Variants in CHD6 observed in about 807,000 individuals in gnomAD.
CHD6 encodes ATP-dependent chromatin remodeler CHD6.
CHD6 carries 50 observed loss-of-function variants against 276.9 expected under a neutral mutation model. The ratio of observed to expected loss-of-function variants is 0.18; its 90% CI spans 0.14 to 0.23. The LOEUF (loss-of-function observed/expected upper bound fraction) is 0.23. Among genes scored for constraint, CHD6 ranks in the 10% least tolerant of loss-of-function variants. The pLI, the probability that CHD6 is intolerant of heterozygous loss-of-function variation, is 1.00. For synonymous variants in CHD6, 1,173 were observed against 1,229.3 expected (o/e 0.95, Z 0.96); for missense variants, 2,564 against 3,365.8 (o/e 0.76, Z 5.89).
At chr20:41,493,739 C>T (rs551355299) in intron 9 of CHD6, 67 bp from the exon 10 acceptor site, 7 of 1,594,034 alleles carry the variant, frequency 4.4e-6, no homozygotes, top group South Asian at 3.4e-5. Context: ...TATCTGCCAA[C>T]CTCTGAAAAA....
chr20:41,562,991 C>T (rs1019642480), intron 1 of CHD6, among the ~76,000 whole-genome samples: 1 of 152,206 alleles, frequency 6.6e-6, no homozygotes, highest in East Asian at 1.9e-4. Flanking sequence ...TGAGGAAGCT[C>T]TGTGCTTGGC....
At chr20:41,515,821 T>A (rs1447239059) in intron 3 of CHD6, among the ~76,000 whole-genome samples, 1 of 152,236 alleles carries the variant, frequency 6.6e-6, no homozygotes, top group Non-Finnish European at 1.5e-5. Flanking sequence ...AGTATGTGCT[T>A]GACTATGTTT....
intron 25 of CHD6, among the ~76,000 whole-genome samples, chr20:41,441,092 A>G (rs1312442553): frequency 6.6e-6 from 1 of 152,218 alleles, no homozygotes; most frequent in African/African-American, 2.4e-5. Context: ...TGCTGCCCAC[A>G]TGAGGTACCT....
In CHD6 at chr20:41,445,767, C is replaced by T; in HGVS notation, c.3775G>A (p.Glu1259Lys). 6.2e-7 allele frequency: 1 copy of T among 1,605,726 alleles called. No individual in the cohort carries two copies. The highest frequency in any genetic ancestry group is 8.5e-7 in the Non-Finnish European group (1 of 1,172,446). The stretch of plus-strand genomic sequence containing the variant: ...ATGTCAGGCAGAGGTACATCCAGCT[C>T]CCTAGGGAAGGAAGGGTGTAGACTC... ...EKAFEGSPAR[E>K]LDVPLPDIDY... The change falls in exon 25 of 37, where the codon GAG (glutamate) becomes AAG (lysine). Residue 1259 changes from glutamate to lysine, a missense_variant and splice_region_variant. By Grantham distance (56) the Glu-to-Lys change is moderately conservative. Transcript: ENST00000373233.
intron 1 of CHD6, among the ~76,000 whole-genome samples, chr20:41,602,374 T>C (rs1449309980): frequency 6.6e-6 from 1 of 152,196 alleles, no homozygotes. Flanking sequence ...CACCTTCCTA[T>C]GAGGCAAGCC....
intron 1 of CHD6, among the ~76,000 whole-genome samples, chr20:41,607,940 G>A (rs1035761578): frequency 1.3e-5 from 2 of 152,152 alleles, no homozygotes; most frequent in Non-Finnish European, 2.9e-5. Context: ...ACACAGCCAT[G>A]CCCAATTTCA....
At chr20:41,447,096 A>G (rs976282516) in intron 24 of CHD6, among the ~76,000 whole-genome samples, 1 of 152,220 alleles carries the variant, frequency 6.6e-6, no homozygotes, top group Non-Finnish European at 1.5e-5. Flanking sequence ...GGCTCTGATT[A>G]CAAGTTGCCC....
At chr20:41,441,466 AGAGAGGGGTAATTTAAAT>A (rs1569081386) in intron 25 of CHD6, among the ~76,000 whole-genome samples, 1 of 152,098 alleles carries the variant, frequency 6.6e-6, no homozygotes, top group Non-Finnish European at 1.5e-5. Context: ...CTTCTCATGA[AGAGAGGGGTAATTTAAAT>A]GACAGGTGAG....
chr20:41,573,946 C>T (rs2146213525), intron 1 of CHD6, among the ~76,000 whole-genome samples: 1 of 152,196 alleles, frequency 6.6e-6, no homozygotes, highest in East Asian at 1.9e-4. Flanking sequence ...CCTTTAGAGA[C>T]CACAGGGAAA....
intron 5 of CHD6, 39 bp downstream of exon 5, chr20:41,512,807 T>C (rs893059957): frequency 3.1e-6 from 5 of 1,610,148 alleles, no homozygotes; most frequent in South Asian, 1.1e-5. Flanking sequence ...TCAAAATGAC[T>C]GTCCAGCCAA....
At chr20:41,497,548 T>C (rs769841918) in intron 7 of CHD6, 47 bp from the exon 8 acceptor site, 12 of 1,303,480 alleles carry the variant, frequency 9.2e-6, no homozygotes, top group African/African-American at 4.3e-5. Context: ...AACTAGCAAA[T>C]GATCGAGCTT....
chr20:41,601,490 C>T (rs970768628), intron 1 of CHD6, among the ~76,000 whole-genome samples: 2 of 152,170 alleles, frequency 1.3e-5, no homozygotes, highest in South Asian at 4.1e-4. Flanking sequence ...GGTCACCAGC[C>T]TCTAAGAGTG....
chr20:41,495,245 T>C (rs1030958989), intron 8 of CHD6, among the ~76,000 whole-genome samples: 1 of 152,206 alleles, frequency 6.6e-6, no homozygotes, highest in African/African-American at 2.4e-5. Flanking sequence ...AAGTGGGGTG[T>C]ATATACCTAG....
intron 1 of CHD6, among the ~76,000 whole-genome samples, chr20:41,587,806 A>G (rs2045611536): frequency 6.7e-6 from 1 of 149,744 alleles, no homozygotes; most frequent in African/African-American, 2.5e-5. Context: ...GCAACTGATG[A>G]CATTTCTGTA....
intron 5 of CHD6, among the ~76,000 whole-genome samples, chr20:41,510,903 T>C (rs2044101481): frequency 6.6e-6 from 1 of 152,210 alleles, no homozygotes; most frequent in Non-Finnish European, 1.5e-5. Flanking sequence ...GCTTGAAAAG[T>C]ATTATAGTGA....
chr20:41,521,116 T>A (rs531847056), intron 3 of CHD6, among the ~76,000 whole-genome samples: 1 of 152,292 alleles, frequency 6.6e-6, no homozygotes, highest in East Asian at 1.9e-4. Flanking sequence ...AGGAAATCTG[T>A]TAAAGTTCTA....
intron 3 of CHD6, among the ~76,000 whole-genome samples, chr20:41,522,675 A>G (rs558862110): frequency 6.6e-6 from 1 of 151,876 alleles, no homozygotes; most frequent in South Asian, 2.1e-4. Context: ...CACATACATA[A>G]ATAGATATTT....
intron 1 of CHD6, among the ~76,000 whole-genome samples, chr20:41,581,493 G>A (rs1013137230): frequency 1.3e-5 from 2 of 152,014 alleles, no homozygotes; most frequent in African/African-American, 2.4e-5. Context: ...TGGCCAACAT[G>A]GTGAAACCCT....
intron 3 of CHD6, among the ~76,000 whole-genome samples, chr20:41,521,083 C>T (rs769601104): frequency 5.3e-5 from 8 of 152,106 alleles, no homozygotes; most frequent in Non-Finnish European, 1.0e-4. Flanking sequence ...TCTGAGTATA[C>T]CTCTGTACAC....
Sources: gnomAD v4.1 joint callset for allele counts (sites outside exome capture counted in the v4.1 genomes callset) on GRCh38, gnomAD v4.1.1 for gene constraint, MANE v1.5 for transcripts, NCBI Gene and HGNC (gene_info 2026-07-23, HGNC 2026-07-21) for gene names.